Variants in CAST observed in about 807,000 individuals in gnomAD.
The protein encoded by CAST is MIR583 host.
Under a neutral mutation model 119.6 loss-of-function variants are expected in CAST, and 76 were observed. That is an observed-to-expected ratio of 0.64 (90% CI 0.53 to 0.77). The LOEUF (loss-of-function observed/expected upper bound fraction) is 0.77. Ranked by LOEUF, CAST falls within the 30% of genes least tolerant of loss-of-function variation. The pLI is 0.00. For missense variants in CAST, 953 were observed against 946.5 expected, an observed-to-expected ratio of 1.01 and a Z score of -0.09; for synonymous variants, 319 against 331.6, an observed-to-expected ratio of 0.96 and a Z score of 0.41.
chr5:95,962,049 C>G, the CAST span: 1 of 401,306 alleles, frequency 2.5e-6, no homozygotes, highest in South Asian at 1.1e-4. Flanking sequence ...AAGAGGCTGA[C>G]GTCTAGGTGA....
the CAST span, among the ~76,000 whole-genome samples, chr5:96,414,417 G>A: frequency 6.6e-6 from 1 of 152,144 alleles, no homozygotes. Context: ...CTTGCTCAAG[G>A]CCACATAGCT....
At chr5:95,970,663 C>T in the CAST span, among the ~76,000 whole-genome samples, 2,348 of 152,268 alleles carry the variant, frequency 0.015, 61 homozygotes, top group African/African-American at 0.054. Flanking sequence ...TTCAAATTGT[C>T]ATAGCAAATG....
chr5:96,721,902 T>C lies in CAST; in HGVS notation c.211-737T>C, dbSNP rs187662522. On this transcript the variant is annotated intron_variant, in intron 3 of 31. Coordinates refer to ENST00000675179, the MANE Select transcript of CAST (RefSeq NM_001750.7). ...CCTTGAATAGTTACTATTTATCACC[T>C]CTTGCCTTCTAAGGAAGAGCCTAGA... Among the ~76,000 whole-genome samples, 175 of 152,292 alleles carry C rather than the reference T, an allele frequency of 1.1e-3. 1 individual carries two copies. The highest frequency in any genetic ancestry group is 4.1e-3 in the African/African-American group (172 of 41,546).
At chr5:96,478,337 T>G in the CAST span, among the ~76,000 whole-genome samples, 27 of 152,362 alleles carry the variant, frequency 1.8e-4, no homozygotes, top group African/African-American at 5.5e-4. Flanking sequence ...TAAATCACAT[T>G]AAATTTGTGT....
the CAST span, among the ~76,000 whole-genome samples, chr5:96,076,680 A>G: frequency 2.6e-5 from 4 of 152,212 alleles, no homozygotes; most frequent in African/African-American, 9.6e-5. Flanking sequence ...AATTTGTGTC[A>G]TAAGAATATT....
the CAST span, among the ~76,000 whole-genome samples, chr5:96,451,168 A>C: frequency 6.6e-6 from 1 of 152,008 alleles, no homozygotes; most frequent in African/African-American, 2.4e-5. Context: ...TAGACTGTAC[A>C]CTCCTGGAGG....
the CAST span, among the ~76,000 whole-genome samples, chr5:96,219,721 G>A: frequency 2.0e-5 from 3 of 151,464 alleles, no homozygotes; most frequent in African/African-American, 7.3e-5. Flanking sequence ...AGGGAGGAAG[G>A]AGAAAGCAAG....
At chr5:96,711,300 C>G (rs1756097834) in intron 3 of CAST, among the ~76,000 whole-genome samples, 1 of 151,868 alleles carries the variant, frequency 6.6e-6, no homozygotes, top group Non-Finnish European at 1.5e-5. Flanking sequence ...GGAAGACAAC[C>G]AATATAAAAC....
intron 1 of CAST, among the ~76,000 whole-genome samples, chr5:96,589,705 G>A (rs1462022390): frequency 6.6e-6 from 1 of 152,168 alleles, no homozygotes; most frequent in South Asian, 2.1e-4. Flanking sequence ...CTTCTCTATA[G>A]CAAGGACTAG....
At chr5:96,120,870 T>C in the CAST span, among the ~76,000 whole-genome samples, 1 of 151,778 alleles carries the variant, frequency 6.6e-6, no homozygotes, top group South Asian at 2.1e-4. Flanking sequence ...CACTGGCTTT[T>C]CCCTGTGCCT....
the CAST span, among the ~76,000 whole-genome samples, chr5:96,022,372 T>A: frequency 6.6e-6 from 1 of 152,236 alleles, no homozygotes; most frequent in African/African-American, 2.4e-5. Context: ...AAATTTGAGA[T>A]CTTGCCTAGA....
chr5:96,588,730 G>T (rs138248041), intron 1 of CAST, among the ~76,000 whole-genome samples: 33 of 152,240 alleles, frequency 2.2e-4, no homozygotes, highest in African/African-American at 7.7e-4. Context: ...AACACACCAT[G>T]TACTACAATT....
At chr5:96,678,192 A>C (rs1192264164) in intron 2 of CAST, among the ~76,000 whole-genome samples, 1 of 152,188 alleles carries the variant, frequency 6.6e-6, no homozygotes, top group Admixed American at 6.5e-5. Flanking sequence ...TATTTCTCCC[A>C]AATATTTTCT....
the CAST span, among the ~76,000 whole-genome samples, chr5:95,991,845 A>G: frequency 6.6e-6 from 1 of 152,098 alleles, no homozygotes; most frequent in African/African-American, 2.4e-5. Flanking sequence ...AGAACAGAGG[A>G]CTTGAAATGT....
chr5:96,173,464 A>G, the CAST span, among the ~76,000 whole-genome samples: 4 of 152,234 alleles, frequency 2.6e-5, no homozygotes, highest in Non-Finnish European at 5.9e-5. Flanking sequence ...TGAAACTTGA[A>G]AGTTTAACAT....
chr5:96,612,931 A>T (rs1454378032), intron 1 of CAST, among the ~76,000 whole-genome samples: 1 of 152,214 alleles, frequency 6.6e-6, no homozygotes. Context: ...CTCTGTGGGT[A>T]ACCAATTAAT....
chr5:96,380,709 C>T, the CAST span, among the ~76,000 whole-genome samples: 2 of 152,068 alleles, frequency 1.3e-5, no homozygotes, highest in Non-Finnish European at 2.9e-5. Context: ...TTGATGGTTT[C>T]TTAATATTTA....
chr5:96,768,608 A>AT (rs1305827812), intron 29 of CAST, among the ~76,000 whole-genome samples: 3 of 152,072 alleles, frequency 2.0e-5, no homozygotes, highest in Non-Finnish European at 4.4e-5. Context: ...CATAGCCACC[A>AT]TTTTTTATCT....
chr5:96,532,730 A>G (rs1745712496), intron 1 of CAST, among the ~76,000 whole-genome samples: 1 of 152,118 alleles, frequency 6.6e-6, no homozygotes, highest in South Asian at 2.1e-4. Flanking sequence ...CACACCTGTA[A>G]TCCCAGCTAC....
Sources: gnomAD v4.1 joint callset for allele counts (sites outside exome capture counted in the v4.1 genomes callset) on GRCh38, gnomAD v4.1.1 for gene constraint, MANE v1.5 for transcripts, NCBI Gene and HGNC (gene_info 2026-07-23, HGNC 2026-07-21) for gene names.